The following NRP2 variants were observed in gnomAD, a reference collection of about 807,000 sequenced individuals.
NRP2 encodes the protein neuropilin 2, also known as neuropilin-2.
In NRP2, 52 loss-of-function variants were observed where a neutral mutation model predicts 110.4. That is an observed-to-expected ratio of 0.47 (90% CI 0.38 to 0.59). The LOEUF (loss-of-function observed/expected upper bound fraction) is 0.59. Among genes scored for constraint, NRP2 ranks in the 20% least tolerant of loss-of-function variants. NRP2 has a pLI of 0.00. For missense variants in NRP2, 1,049 were observed against 1,203.0 expected (o/e 0.87, Z 1.89); for synonymous variants, 508 against 468.9 (o/e 1.08, Z -1.08).
At chr2:205,693,040 G>A (rs1301384730) in intron 1 of NRP2, among the ~76,000 whole-genome samples, 3 of 152,254 alleles carry the variant, frequency 2.0e-5, no homozygotes, top group African/African-American at 7.2e-5. Flanking sequence ...TCCTGGTGGA[G>A]TAAGTGGCAA....
rs889014569 is a variant in NRP2, at chr2:205,745,774, C to A, written c.1670C>A (p.Thr557Asn). The change falls in exon 10 of 17, where the codon ACC (threonine) becomes AAC (asparagine). Residue 557 changes from threonine (T) to asparagine (N), a missense_variant. Physicochemically the swap from Thr to Asn is moderately conservative, Grantham distance 65. Coordinates refer to ENST00000357785, the MANE Select transcript of NRP2 (RefSeq NM_003872.3). Reference sequence around the variant, plus strand: ...TTCGAAGGGAACATGCACTATGACACCCCTGACATCCGAAGGTTTGACCCC... The same window carrying A: ...TTCGAAGGGAACATGCACTATGACAACCCTGACATCCGAAGGTTTGACCCC... ...KLFEGNMHYDTPDIRRFDPIP... is the reference protein window; with the variant it reads ...KLFEGNMHYDNPDIRRFDPIP... 1.2e-6 allele frequency: 2 copies of A among 1,614,110 alleles called. No homozygotes were observed. The highest frequency in any genetic ancestry group is 1.3e-5 in the African/African-American group (1 of 74,958).
chr2:205,744,471 G>T (rs975341747), intron 9 of NRP2, among the ~76,000 whole-genome samples: 2 of 152,098 alleles, frequency 1.3e-5, no homozygotes, highest in African/African-American at 4.8e-5. Context: ...AACTCACCCC[G>T]AGCCAGAAGC....
At chr2:205,772,005 T>A (rs2058030073) in intron 15 of NRP2, among the ~76,000 whole-genome samples, 1 of 152,250 alleles carries the variant, frequency 6.6e-6, no homozygotes, top group Non-Finnish European at 1.5e-5. Context: ...TTTGTCCACC[T>A]GGTTCTAGCC....
Position 205,727,960 on chromosome 2 carries a change from A to G in NRP2, c.1060A>G (p.Asn354Asp). The G allele has an allele frequency of 1.2e-6, 2 of 1,614,192 alleles. 1 individual carries two copies. Among genetic ancestry groups the G allele is most frequent in the South Asian group, 2.2e-5 (2 of 91,082 alleles). Residue 354 changes from asparagine (N) to aspartate (D), a missense_variant, in exon 7 of 17, where the codon AAT becomes GAT. Physicochemically the swap from Asn to Asp is conservative, Grantham distance 23. Coordinates refer to ENST00000357785, the MANE Select transcript of NRP2 (RefSeq NM_003872.3). The stretch of plus-strand genomic sequence containing the variant: ...GGGAGCGATTTCCAGGGAAACACAG[A>G]ATGGCTACTATGTCAAATCCTACAA... ...TQGAISRETQ[N>D]GYYVKSYKLE... is the part of the protein sequence containing the mutation.
At chr2:205,764,676 T>C (rs2057884299) in intron 13 of NRP2, among the ~76,000 whole-genome samples, 1 of 152,166 alleles carries the variant, frequency 6.6e-6, no homozygotes, top group Non-Finnish European at 1.5e-5. Flanking sequence ...GAGAGGAACC[T>C]GGGGAGGGCG....
chr2:205,797,137 C>G lies in NRP2; in HGVS notation c.*2079C>G, dbSNP rs2105982782. On this transcript the variant is annotated 3_prime_UTR_variant, in exon 17 of 17. Transcript: ENST00000357785. The stretch of plus-strand genomic sequence containing the variant: ...ACTTTGACCTAGGGTCCGAGTGTCA[C>G]AGCTGATCTTGGCACTCGGCACTCA... 6.5e-6 allele frequency: 1 copy of G among 152,772 alleles called. No homozygotes were observed. The highest frequency in any genetic ancestry group is 2.1e-4 in the South Asian group (1 of 4,820). 9.5% of individuals were successfully genotyped at this position (152,772 alleles called of 1,614,324 possible). A position where few individuals can be genotyped will look rare whatever the true frequency, so the allele number is the denominator to read the frequency against.
rs1374748588 is a variant in NRP2 at position 205,697,689 on chromosome 2, C to T, written c.219C>T (p.Asn73=). Residue 73 remains asparagine (N), a synonymous_variant, in exon 2 of 17, where the codon AAC becomes AAT. Coordinates refer to ENST00000357785, the MANE Select transcript of NRP2 (RefSeq NM_003872.3). ...ACCAGAAGATTGTCCTCAACTTCAA[C>T]CCTCACTTTGAAATCGAGAAGCACG... is the stretch of plus-strand genomic sequence containing the variant. ...EPNQKIVLNF[N]PHFEIEKHDC... 1 of 1,614,048 alleles carries T rather than the reference C, an allele frequency of 6.2e-7. No individual in the cohort carries two copies. Among genetic ancestry groups the T allele is most frequent in the East Asian group, 2.2e-5 (1 of 44,870 alleles).
At chr2:205,772,835 T>C (rs911619439) in intron 15 of NRP2, among the ~76,000 whole-genome samples, 85 of 152,200 alleles carry the variant, frequency 5.6e-4, no homozygotes, top group Admixed American at 5.0e-3. Flanking sequence ...GCAGGTGACA[T>C]CTGCCTAAAG....
chr2:205,765,596 G>A (rs775403390), intron 14 of NRP2, 26 bp downstream of exon 14: 7 of 1,588,194 alleles, frequency 4.4e-6, no homozygotes, highest in South Asian at 3.3e-5. Context: ...TCTCTTCATG[G>A]TTCTTTCAAA....
At chr2:205,698,904 A>C (rs564406880) in intron 2 of NRP2, among the ~76,000 whole-genome samples, 10 of 152,368 alleles carry the variant, frequency 6.6e-5, no homozygotes, top group Admixed American at 6.5e-4. Context: ...AAACTCCTAC[A>C]GGCCAGGTCT....
At chr2:205,777,156 A>G in intron 15 of NRP2, 1 of 986,956 alleles carries the variant, frequency 1.0e-6, no homozygotes, top group South Asian at 4.7e-5. Flanking sequence ...TGCCTTATCT[A>G]GCTCTGGCTG....
chr2:205,779,309 C>T (rs766306402), intron 15 of NRP2: 11 of 152,078 alleles, frequency 7.2e-5, no homozygotes, highest in Non-Finnish European at 1.6e-4. Context: ...TAGTTCCTGG[C>T]GAAGGCAGAA....
At chr2:205,723,168 T>C (rs2057056287) in intron 4 of NRP2, among the ~76,000 whole-genome samples, 1 of 152,226 alleles carries the variant, frequency 6.6e-6, no homozygotes, top group Non-Finnish European at 1.5e-5. Flanking sequence ...ATTATTACTA[T>C]AATTTTAAAA....
In NRP2 at chr2:205,716,164, C is replaced by A. The variant is rs770164649; in HGVS notation, c.252-29C>A. On this transcript the variant is annotated intron_variant, in intron 2 of 16. Coordinates refer to ENST00000357785, the MANE Select transcript of NRP2 (RefSeq NM_003872.3). ...GTCCTTCTCATGTCCTTCGAGTGATCTTTTCTTGTCTGTGCCATCCCCACC... is the reference window on the plus strand; with the variant it reads ...GTCCTTCTCATGTCCTTCGAGTGATATTTTCTTGTCTGTGCCATCCCCACC... The A allele has an allele frequency of 2.2e-5, 36 of 1,612,816 alleles. No individual in the cohort carries two copies. The African/African-American group carries it at 2.4e-4, about 11-fold the overall frequency.
At chr2:205,766,848 T>C (rs1381944559) in intron 15 of NRP2, 45 bp downstream of exon 15, 1 of 1,576,144 alleles carries the variant, frequency 6.3e-7, no homozygotes, top group Admixed American at 1.7e-5. Flanking sequence ...TTGCATGCTT[T>C]TTCCTTCCCC....
At chr2:205,744,759 T>C (rs965187602) in intron 9 of NRP2, among the ~76,000 whole-genome samples, 1 of 152,194 alleles carries the variant, frequency 6.6e-6, no homozygotes, top group Non-Finnish European at 1.5e-5. Context: ...GTTGGAGGTT[T>C]TGCGATGCTG....
chr2:205,706,052 C>T (rs986742622), intron 2 of NRP2, among the ~76,000 whole-genome samples: 3 of 151,948 alleles, frequency 2.0e-5, no homozygotes, highest in South Asian at 4.2e-4. Flanking sequence ...TGTCACCTAC[C>T]TCCTACTCCC....
intron 2 of NRP2, among the ~76,000 whole-genome samples, chr2:205,715,810 G>A (rs766560766): frequency 1.2e-4 from 18 of 152,250 alleles, no homozygotes; most frequent in African/African-American, 3.9e-4. Flanking sequence ...ATGCTCAAAG[G>A]GGTTCAGCAG....
intron 1 of NRP2, among the ~76,000 whole-genome samples, 170 bp from the exon 2 acceptor site, chr2:205,697,374 C>T (rs1214669796): frequency 2.8e-5 from 4 of 143,142 alleles, no homozygotes; most frequent in Admixed American, 6.8e-5. Flanking sequence ...AGGGATGAGC[C>T]GGAATAATCT....
Sources: allele counts gnomAD v4.1 joint callset (sites outside exome capture counted in the v4.1 genomes callset), GRCh38; gene constraint gnomAD v4.1.1; transcripts MANE v1.5; gene names NCBI Gene and HGNC (gene_info 2026-07-23, HGNC 2026-07-21).